SCNM1: variants seen among roughly 807,000 people sequenced by gnomAD.
The protein encoded by SCNM1 is sodium channel modifier 1.
In SCNM1, 24 loss-of-function variants were observed where a neutral mutation model predicts 32.8. The ratio of observed to expected loss-of-function variants is 0.73; its 90% CI spans 0.53 to 1.03. The LOEUF (loss-of-function observed/expected upper bound fraction) is 1.03. Ranked by LOEUF, SCNM1 falls within the 50% of genes least tolerant of loss-of-function variation. The probability of loss-of-function intolerance (pLI) is 0.00; values close to 1 mark genes in which losing one functional copy is unlikely to be tolerated. For missense variants in SCNM1, 274 were observed against 282.3 expected (o/e 0.97, Z 0.21); for synonymous variants, 99 against 103.2 (o/e 0.96, Z 0.25).
At chr1:151,166,670 G>A in intron 2 of SCNM1, 129 bp downstream of exon 2, 1 of 1,435,946 alleles carries the variant, frequency 7.0e-7, no homozygotes, top group Non-Finnish European at 9.3e-7. Context: ...TAGGGCTCAA[G>A]TGATCCTGCC....
In SCNM1 at chr1:151,166,207, A is replaced by G. The variant is rs368258231; in HGVS notation, c.51+4A>G. Reference sequence around the variant, plus strand: ...GAGTCAACTCAATGTGCTCAAAGTAAGCGTGAGCGGAGAGGATCTGGAGCC... The same window carrying G: ...GAGTCAACTCAATGTGCTCAAAGTAGGCGTGAGCGGAGAGGATCTGGAGCC... On this transcript the variant is annotated splice_donor_region_variant and intron_variant, in intron 1 of 6. Coordinates refer to ENST00000368905, the MANE Select transcript of SCNM1 (RefSeq NM_024041.4). 6.3e-7 allele frequency: 1 copy of G among 1,596,724 alleles called. No homozygotes were observed.
chr1:151,166,566 C>T, intron 2 of SCNM1, 25 bp downstream of exon 2: 4 of 1,612,474 alleles, frequency 2.5e-6, no homozygotes, highest in Non-Finnish European at 3.4e-6. Context: ...TGGCTCAAGC[C>T]TGAGGGTTCT....
At chr1:151,168,412 C>CTTTT in intron 6 of SCNM1, 74 bp downstream of exon 6, 1 of 1,227,166 alleles carries the variant, frequency 8.1e-7, no homozygotes, top group Non-Finnish European at 1.1e-6. Context: ...ATTGTTTTTC[C>CTTTT]TTTTTTTTTT....
chr1:151,169,912 G>C lies in SCNM1; in HGVS notation c.*827G>C. The stretch of plus-strand genomic sequence containing the variant: ...ATCCCCAGAGTATAAATAATCCCCT[G>C]GTGAACTGGCAGTAACCCTTGGGGG... On this transcript the variant is annotated 3_prime_UTR_variant, in exon 7 of 7. Coordinates refer to ENST00000368905, the MANE Select transcript of SCNM1 (RefSeq NM_024041.4). 1.4e-6 allele frequency: 1 copy of C among 702,068 alleles called. No homozygotes were observed. Among genetic ancestry groups the C allele is most frequent in the Admixed American group, 2.6e-5 (1 of 37,906 alleles). 43.5% of individuals were successfully genotyped at this position (702,068 alleles called of 1,614,324 possible).
chr1:151,167,444 G>A (rs771162038), intron 5 of SCNM1, 30 bp downstream of exon 5: 1 of 1,613,298 alleles, frequency 6.2e-7, no homozygotes, highest in Non-Finnish European at 8.5e-7. Context: ...GAGGTAGGAA[G>A]GCTCAGAAGG....
Position 151,170,079 on chromosome 1 carries a change from T to C in SCNM1, c.*994T>C. On this transcript the variant is annotated 3_prime_UTR_variant, in exon 7 of 7. Transcript: ENST00000368905. ...CGCTAGTTGGTAAAGGGAAATGCAG[T>C]GTTATCTCTTCTTTTGCTGGCGACC... 2 of 1,614,162 alleles carry C rather than the reference T, an allele frequency of 1.2e-6. No individual in the cohort carries two copies. The highest frequency in any genetic ancestry group is 1.7e-6 in the Non-Finnish European group (2 of 1,180,004).
Sources: gnomAD v4.1 joint callset for allele counts on GRCh38, gnomAD v4.1.1 for gene constraint, MANE v1.5 for transcripts, NCBI Gene and HGNC (gene_info 2026-07-23, HGNC 2026-07-21) for gene names.